PDIA5: variants seen among roughly 807,000 people sequenced by gnomAD.
PDIA5 encodes the protein protein disulfide-isomerase A5.
A neutral mutation model predicts 77.6 loss-of-function variants in PDIA5; 58 were observed. The ratio of observed to expected loss-of-function variants is 0.75; its 90% CI spans 0.61 to 0.93. The LOEUF is 0.93. Ranked by LOEUF, PDIA5 falls within the 40% of genes least tolerant of loss-of-function variation. PDIA5 has a pLI of 0.00. For missense variants in PDIA5, 630 were observed against 647.7 expected (o/e 0.97, Z 0.30); for synonymous variants, 250 against 252.1 (o/e 0.99, Z 0.08).
intron 14 of PDIA5, among the ~76,000 whole-genome samples, chr3:123,153,344 G>T (rs1211626860): frequency 1.3e-5 from 2 of 152,216 alleles, no homozygotes; most frequent in African/African-American, 4.8e-5. Flanking sequence ...CTGCCTGCAG[G>T]AGCTGTCTGT....
At position 123,134,439 on chromosome 3, in the gene PDIA5, T is replaced by A. The variant is rs1935444083; in HGVS notation, c.910+3823T>A. On this transcript the variant is annotated intron_variant, in intron 11 of 16. Coordinates refer to ENST00000316218, the MANE Select transcript of PDIA5 (RefSeq NM_006810.4). ...CTGCCTGGAACTGATGGGATGCTTG[T>A]GAGGCTGCCCTGCTGGGCTCTCAGC... 2.6e-5 allele frequency among the ~76,000 whole-genome samples: 4 copies of A among 152,238 alleles called. No homozygotes were observed. The South Asian group carries it at 8.3e-4, about 32-fold the overall frequency.
intron 1 of PDIA5, among the ~76,000 whole-genome samples, chr3:123,083,208 G>A (rs1391176338): frequency 2.0e-5 from 3 of 151,506 alleles, no homozygotes; most frequent in Admixed American, 6.6e-5. Context: ...ACTGGTGCTC[G>A]GGGTGGGGGA....
At chr3:123,068,305 C>T (rs1933632664) in intron 1 of PDIA5, among the ~76,000 whole-genome samples, 1 of 152,182 alleles carries the variant, frequency 6.6e-6, no homozygotes, top group Non-Finnish European at 1.5e-5. Context: ...TTGCTTGAAA[C>T]ACTTCCATCT....
At position 123,132,896 on chromosome 3, in the gene PDIA5, A is replaced by G. The variant is rs140028445; in HGVS notation, c.910+2280A>G. Reference sequence around the variant, plus strand: ...GAGGTCACCAGTCCCCTGGGCATTCATGGTTGTGCGCATGTGGGTTTATTT... The same window carrying G: ...GAGGTCACCAGTCCCCTGGGCATTCGTGGTTGTGCGCATGTGGGTTTATTT... On this transcript the variant is annotated intron_variant, in intron 11 of 16. Transcript: ENST00000316218. Among the ~76,000 whole-genome samples, 10 of 152,096 alleles carry G rather than the reference A, an allele frequency of 6.6e-5. No individual in the cohort carries two copies. The East Asian group carries it at 1.9e-3, about 29-fold the overall frequency.
intron 14 of PDIA5, among the ~76,000 whole-genome samples, chr3:123,153,381 C>T (rs752389244): frequency 6.6e-6 from 1 of 152,204 alleles, no homozygotes; most frequent in Non-Finnish European, 1.5e-5. Flanking sequence ...CAGTAGATTG[C>T]GCTCTTTAAG....
intron 1 of PDIA5, among the ~76,000 whole-genome samples, chr3:123,081,743 A>G (rs376777202): frequency 9.9e-5 from 15 of 152,194 alleles, no homozygotes; most frequent in African/African-American, 3.6e-4. Context: ...TCTGCATTGA[A>G]TAGTAAATCT....
chr3:123,123,090 C>T (rs1037539406), intron 8 of PDIA5, among the ~76,000 whole-genome samples: 8 of 151,838 alleles, frequency 5.3e-5, no homozygotes, highest in African/African-American at 1.7e-4. Flanking sequence ...GCCTGGGCAA[C>T]ACAGCAAGAC....
chr3:123,071,851 C>T (rs1019618592), intron 1 of PDIA5, among the ~76,000 whole-genome samples: 6 of 152,272 alleles, frequency 3.9e-5, no homozygotes, highest in African/African-American at 7.2e-5. Flanking sequence ...TCGTCAGCCC[C>T]GGTCCGTGTT....
chr3:123,091,827 A>T (rs146129820), intron 2 of PDIA5, among the ~76,000 whole-genome samples: 108 of 152,278 alleles, frequency 7.1e-4, no homozygotes, highest in Non-Finnish European at 1.4e-3. Flanking sequence ...TCATTTTATC[A>T]TCAGGTTGTA....
intron 12 of PDIA5, 134 bp downstream of exon 12, chr3:123,145,726 C>A: frequency 2.9e-6 from 2 of 691,384 alleles, no homozygotes; most frequent in Non-Finnish European, 5.1e-6. Context: ...TCTGTGTGCC[C>A]AAGTAGAACA....
At chr3:123,146,471 G>T (rs891248951) in intron 13 of PDIA5, among the ~76,000 whole-genome samples, 11 of 152,222 alleles carry the variant, frequency 7.2e-5, no homozygotes, top group Non-Finnish European at 1.3e-4. Context: ...TCTGGACGCA[G>T]CTTCATCGAC....
chr3:123,138,260 T>A (rs1033787301), intron 11 of PDIA5, among the ~76,000 whole-genome samples: 2 of 152,236 alleles, frequency 1.3e-5, no homozygotes, highest in African/African-American at 4.8e-5. Flanking sequence ...TTTTATTTAT[T>A]TAAGTCTTTT....
At chr3:123,159,024 T>G (rs1185383056) in intron 15 of PDIA5, among the ~76,000 whole-genome samples, 1 of 152,204 alleles carries the variant, frequency 6.6e-6, no homozygotes, top group Non-Finnish European at 1.5e-5. Context: ...GGCAGCTAGT[T>G]TAGGTGATTC....
chr3:123,154,204 A>G (rs1405195016), intron 14 of PDIA5, among the ~76,000 whole-genome samples: 1 of 152,192 alleles, frequency 6.6e-6, no homozygotes, highest in Non-Finnish European at 1.5e-5. Flanking sequence ...AACAAGAGAC[A>G]GATGCTGGAG....
chr3:123,117,625 A>G (rs1232179595), intron 8 of PDIA5, among the ~76,000 whole-genome samples: 2 of 151,642 alleles, frequency 1.3e-5, no homozygotes, highest in African/African-American at 4.9e-5. Flanking sequence ...TATATCCTCA[A>G]GTTTCATCCA....
At chr3:123,140,570 G>A (rs114137140) in intron 11 of PDIA5, among the ~76,000 whole-genome samples, 256 of 152,318 alleles carry the variant, frequency 1.7e-3, no homozygotes, top group African/African-American at 5.8e-3. Context: ...GTAGGATTGC[G>A]AGGGGTTGTC....
In PDIA5 at chr3:123,150,265, T is replaced by C. The variant is rs756787029; in HGVS notation, c.1174T>C (p.Trp392Arg). 3.5e-5 allele frequency: 55 copies of C among 1,584,520 alleles called. No individual in the cohort carries two copies. The Admixed American group carries it at 9.2e-4, about 27-fold the overall frequency. ...GGCCCCCCCGCCCCCAGAGCCCACG[T>C]GGGAAGAGCAGCAGACAAGCGTGTT... ...PEAPPPPEPT[W>R]EEQQTSVLHL... Residue 392 changes from tryptophan to arginine, a missense_variant, in exon 14 of 17, where the codon TGG (tryptophan) becomes CGG (arginine). By Grantham distance (101) the Trp-to-Arg change is moderately radical. Transcript: ENST00000316218.
chr3:123,146,919 C>T (rs150704490), intron 13 of PDIA5, among the ~76,000 whole-genome samples: 8,611 of 152,280 alleles, frequency 0.057, 342 homozygotes, highest in Non-Finnish European at 0.091. Context: ...AAGCGATTCT[C>T]CTGCCTCAGC....
chr3:123,103,524 C>T (rs1934655317), intron 5 of PDIA5, among the ~76,000 whole-genome samples: 1 of 152,158 alleles, frequency 6.6e-6, no homozygotes, highest in South Asian at 2.1e-4. Flanking sequence ...CCCTGTGCTC[C>T]TGTCTCTTCA....
Sources: gnomAD v4.1 joint callset for allele counts (sites outside exome capture counted in the v4.1 genomes callset) on GRCh38, gnomAD v4.1.1 for gene constraint, MANE v1.5 for transcripts, NCBI Gene and HGNC (gene_info 2026-07-23, HGNC 2026-07-21) for gene names.